SPATA22: variants seen among roughly 807,000 people sequenced by gnomAD.
SPATA22 encodes spermatogenesis associated 22.
Under a neutral mutation model 47.8 loss-of-function variants are expected in SPATA22, and 29 were observed. The ratio of observed to expected loss-of-function variants is 0.61; its 90% CI spans 0.45 to 0.83. The LOEUF (loss-of-function observed/expected upper bound fraction) is 0.83, where lower values mean the gene tolerates loss of function less well. Among genes scored for constraint, SPATA22 ranks in the 40% least tolerant of loss-of-function variants. The pLI, the probability that SPATA22 is intolerant of heterozygous loss-of-function variation, is 0.00. For synonymous variants in SPATA22, 133 were observed against 140.9 expected (o/e 0.94, Z 0.40); for missense variants, 410 against 421.7 (o/e 0.97, Z 0.24).
chr17:3,470,214 T>C (rs200736983), intron 1 of SPATA22, among the ~76,000 whole-genome samples: 3 of 152,216 alleles, frequency 2.0e-5, no homozygotes, highest in East Asian at 1.9e-4. Context: ...CTTAGTTTTC[T>C]TCTTTTACAA....
intron 1 of SPATA22, among the ~76,000 whole-genome samples, chr17:3,479,482 A>G (rs190042793): frequency 3.5e-4 from 54 of 152,324 alleles, no homozygotes; most frequent in African/African-American, 1.1e-3. Context: ...TTCACAAATA[A>G]TAAGTCCAGA....
At chr17:3,471,861 C>T (rs1597417305), upstream of SPATA22, 1 of 985,516 alleles carries the variant, frequency 1.0e-6, no homozygotes, top group Non-Finnish European at 1.2e-6. Flanking sequence ...GCGCAGTGGC[C>T]GCCACCTCGG....
rs779268485 is a variant in SPATA22 at position 3,488,387 on chromosome 17, C to T, written c.-73-18989G>A. On this transcript the variant is annotated intron_variant, in intron 1 of 8. Transcript: ENST00000541913. This position sits in a 1 kb window ranked among gnomAD's most constrained non-coding sequence, Gnocchi z 6.1. ...AAAATTAAAACCAGGCCAAGCACGA[C>T]GGCTCACGCCTGTAATCCCAGCATT... 1.3e-5 allele frequency among the ~76,000 whole-genome samples: 2 copies of T among 152,132 alleles called. No individual in the cohort carries two copies. Among genetic ancestry groups the T allele is most frequent in the Non-Finnish European group, 2.9e-5 (2 of 68,026 alleles).
chr17:3,450,705 T>C (rs2072839054), intron 5 of SPATA22, among the ~76,000 whole-genome samples: 1 of 152,242 alleles, frequency 6.6e-6, no homozygotes, highest in Admixed American at 6.5e-5. Flanking sequence ...TTATAGAAAT[T>C]ACTTTTATTA....
chr17:3,506,621 G>C (rs968823987), intron 1 of SPATA22, among the ~76,000 whole-genome samples: 1 of 152,202 alleles, frequency 6.6e-6, no homozygotes, highest in African/African-American at 2.4e-5. Context: ...AGCATAGAGA[G>C]AGGTCCCTAG....
At chr17:3,504,981 T>C (rs925579141) in intron 1 of SPATA22, among the ~76,000 whole-genome samples, 4 of 152,242 alleles carry the variant, frequency 2.6e-5, no homozygotes, top group Non-Finnish European at 5.9e-5. Context: ...CACTGGCCTC[T>C]GCCCACCCCT....
At chr17:3,463,768 G>A (rs534544321) in intron 3 of SPATA22, among the ~76,000 whole-genome samples, 1 of 152,300 alleles carries the variant, frequency 6.6e-6, no homozygotes, top group Non-Finnish European at 1.5e-5. Flanking sequence ...CACACAGGTG[G>A]TGTGATTGAC....
upstream of SPATA22, chr17:3,471,958 A>AG: frequency 1.5e-6 from 1 of 687,562 alleles, no homozygotes; most frequent in Non-Finnish European, 1.8e-6. Flanking sequence ...CACACTGTGG[A>AG]CCCAGGGATG....
At chr17:3,499,678 A>G (rs187792755) in intron 1 of SPATA22, 2 of 152,456 alleles carry the variant, frequency 1.3e-5, no homozygotes, top group Admixed American at 6.5e-5. Context: ...AATCGTGCCC[A>G]TGTGAGACTG....
intron 1 of SPATA22, chr17:3,499,594 T>A (rs986601109): frequency 6.5e-6 from 1 of 153,066 alleles, no homozygotes; most frequent in East Asian, 1.9e-4. Context: ...ATGATTTATT[T>A]ATTATATCTG....
Position 3,485,513 on chromosome 17 carries a change from C to CA in SPATA22, c.-73-16116dup, listed in dbSNP as rs1465169846. Among the ~76,000 whole-genome samples, 1 of 152,062 alleles carries CA rather than the reference C, an allele frequency of 6.6e-6. No homozygotes were observed. The highest frequency in any genetic ancestry group is 1.5e-5 in the Non-Finnish European group (1 of 68,006). On this transcript the variant is annotated intron_variant, in intron 1 of 8. Transcript: ENST00000541913. The surrounding 1 kb of genome is among the most constrained non-coding windows in gnomAD (Gnocchi z 4.4). ...GGGCAACAAAAGTGAAACTCCGTCTCAAAAAAACAAACAAACAAAAATACT... is the reference window on the plus strand; with the variant it reads ...GGGCAACAAAAGTGAAACTCCGTCTCAAAAAAAACAAACAAACAAAAATACT...
At chr17:3,501,429 G>C (rs1330030547) in intron 1 of SPATA22, 2 of 152,328 alleles carry the variant, frequency 1.3e-5, no homozygotes, top group South Asian at 2.1e-4. Flanking sequence ...TACAGCAAGA[G>C]AATGAGAAGT....
upstream of SPATA22, chr17:3,475,749 C>T (rs546372959): frequency 7.9e-5 from 15 of 191,072 alleles, no homozygotes; most frequent in South Asian, 1.1e-3. Context: ...AAATTAGAAA[C>T]GTATAAACTA....
chr17:3,473,128 C>A (rs983323637), upstream of SPATA22, among the ~76,000 whole-genome samples: 26 of 134,184 alleles, frequency 1.9e-4, no homozygotes, highest in African/African-American at 3.6e-4. Context: ...AAAAAAAAAA[C>A]CACCTTAAGC....
intron 1 of SPATA22, chr17:3,499,123 T>A: frequency 6.3e-7 from 1 of 1,598,524 alleles, no homozygotes; most frequent in Non-Finnish European, 8.5e-7. Flanking sequence ...CACGGTGTCT[T>A]ACAAATTCTG....
chr17:3,476,503 A>ATACGAC, upstream of SPATA22: 1 of 1,000,286 alleles, frequency 1.0e-6, no homozygotes. Flanking sequence ...ATGTCCGTAC[A>ATACGAC]TGCAGTCGTA....
chr17:3,448,905 C>T lies in SPATA22; in HGVS notation c.574G>A (p.Asp192Asn), dbSNP rs778047424. 2 of 1,613,970 alleles carry T rather than the reference C, an allele frequency of 1.2e-6. No homozygotes were observed. Among genetic ancestry groups the T allele is most frequent in the Middle Eastern group, 1.7e-4 (1 of 6,058 alleles). ...AGTGTCTGTAGTGCACTGTTTTTGT[C>T]TAGCCCTCTCATTGTGCAGCCAGAT... Reference protein sequence around the residue: ...KISGCTMRGLDKNSALQTLKP... With the variant: ...KISGCTMRGLNKNSALQTLKP... Residue 192 changes from aspartate (D) to asparagine (N), a missense_variant, in exon 6 of 9, where the codon GAC (aspartate) becomes AAC (asparagine). Physicochemically the swap from Asp to Asn is conservative, Grantham distance 23 (BLOSUM62 1). Coordinates refer to ENST00000572969, the MANE Select transcript of SPATA22 (RefSeq NM_001170698.2).
chr17:3,504,282 A>G (rs532863128), intron 1 of SPATA22, among the ~76,000 whole-genome samples: 3 of 152,258 alleles, frequency 2.0e-5, no homozygotes, highest in South Asian at 2.1e-4. Context: ...GATGTCTACA[A>G]TCTAGAAAGT....
intron 1 of SPATA22, among the ~76,000 whole-genome samples, chr17:3,491,202 G>A (rs1402571444): frequency 6.6e-6 from 1 of 152,172 alleles, no homozygotes; most frequent in African/African-American, 2.4e-5. Context: ...GATCCAAGAA[G>A]TCCTGACAAT....
Sources: allele counts gnomAD v4.1 joint callset (sites outside exome capture counted in the v4.1 genomes callset), GRCh38; gene constraint gnomAD v4.1.1; non-coding constraint Gnocchi (gnomAD v3.1); transcripts MANE v1.5; gene names NCBI Gene and HGNC (gene_info 2026-07-23, HGNC 2026-07-21).